MED12L: variants seen among roughly 807,000 people sequenced by gnomAD.
MED12L encodes the protein mediator of RNA polymerase II transcription subunit 12-like protein.
MED12L carries 60 observed loss-of-function variants against 281.3 expected under a neutral mutation model. That is an observed-to-expected ratio of 0.21 (90% CI 0.17 to 0.26). MED12L has a LOEUF of 0.26. MED12L is among the 10% of genes least tolerant of loss of function. The pLI is 1.00. For synonymous variants in MED12L, 974 were observed against 987.2 expected (o/e 0.99, Z 0.25); for missense variants, 2,146 against 2,680.9 (o/e 0.80, Z 4.41).
At chr3:151,311,996 C>A (rs1000223751) in intron 16 of MED12L, among the ~76,000 whole-genome samples, 10 of 152,182 alleles carry the variant, frequency 6.6e-5, no homozygotes, top group South Asian at 6.2e-4. Context: ...GAGCCAAGAT[C>A]ACGCTGTTGC....
chr3:151,261,627 C>T (rs1232431684), intron 16 of MED12L, among the ~76,000 whole-genome samples: 3 of 152,102 alleles, frequency 2.0e-5, no homozygotes, highest in African/African-American at 7.2e-5. Context: ...TTACCCAAGA[C>T]TCCCAGACAC....
At chr3:151,136,431 ATGC>A (rs1456107959) in intron 5 of MED12L, among the ~76,000 whole-genome samples, 1 of 152,244 alleles carries the variant, frequency 6.6e-6, no homozygotes, top group African/African-American at 2.4e-5. Context: ...TGCCTTGTTT[ATGC>A]TGAAAGTAAT....
intron 16 of MED12L, chr3:151,338,652 T>G: frequency 1.2e-6 from 2 of 1,613,886 alleles, no homozygotes; most frequent in Non-Finnish European, 1.7e-6. Flanking sequence ...AATGACTGTG[T>G]TCTTAAGAAA....
At chr3:151,164,358 A>G (rs909882154) in intron 9 of MED12L, among the ~76,000 whole-genome samples, 3 of 152,186 alleles carry the variant, frequency 2.0e-5, no homozygotes, top group African/African-American at 7.2e-5. Flanking sequence ...TAATTATTAT[A>G]TGTTCTTATT....
At chr3:151,357,101 G>A (rs1754026299) in intron 19 of MED12L, 112 bp from the exon 20 acceptor site, 2 of 903,710 alleles carry the variant, frequency 2.2e-6, no homozygotes, top group Admixed American at 3.2e-5. Flanking sequence ...GTTAAATTTA[G>A]GGAATGTATT....
chr3:151,176,884 CT>C (rs1409375468), intron 11 of MED12L, among the ~76,000 whole-genome samples: 10 of 152,286 alleles, frequency 6.6e-5, no homozygotes, highest in Admixed American at 2.0e-4. Flanking sequence ...CCCCATCTAC[CT>C]TGTTTATTCC....
chr3:151,358,912 G>A (rs571247888), intron 20 of MED12L, among the ~76,000 whole-genome samples: 3 of 152,138 alleles, frequency 2.0e-5, no homozygotes, highest in East Asian at 1.9e-4. Context: ...ATAATTTTTC[G>A]CTTTATAGAT....
intron 16 of MED12L, chr3:151,328,640 A>G (rs1159733246): frequency 6.2e-7 from 1 of 1,613,900 alleles, no homozygotes; most frequent in Non-Finnish European, 8.5e-7. Flanking sequence ...GAATCTGTCA[A>G]AGGCTATGAG....
intron 16 of MED12L, among the ~76,000 whole-genome samples, chr3:151,223,867 T>C (rs1017584187): frequency 6.6e-6 from 1 of 152,224 alleles, no homozygotes; most frequent in Non-Finnish European, 1.5e-5. Flanking sequence ...CATTGCCTAC[T>C]CCTGGGGAGG....
chr3:151,324,552 A>G (rs755506306), intron 16 of MED12L, among the ~76,000 whole-genome samples: 1 of 152,240 alleles, frequency 6.6e-6, no homozygotes, highest in Non-Finnish European at 1.5e-5. Context: ...TTAAAGCCCC[A>G]TTCCTGCAGA....
chr3:151,185,794 A>G (rs1359894874), intron 12 of MED12L, among the ~76,000 whole-genome samples: 1 of 152,134 alleles, frequency 6.6e-6, no homozygotes, highest in African/African-American at 2.4e-5. Context: ...TGAGCTTATG[A>G]TGGTGCCACT....
chr3:151,199,326 A>T, intron 16 of MED12L: 1 of 1,613,748 alleles, frequency 6.2e-7, no homozygotes, highest in Non-Finnish European at 8.5e-7. Flanking sequence ...ACTAAATAAA[A>T]AAAATACGTG....
At chr3:151,177,688 T>C (rs9876500) in intron 11 of MED12L, among the ~76,000 whole-genome samples, 35,276 of 151,506 alleles carry the variant, frequency 0.23, 4,641 homozygotes, top group African/African-American at 0.37. Flanking sequence ...AAATGGGGTG[T>C]CACTACATTG....
intron 43 of MED12L, 120 bp downstream of exon 43, chr3:151,416,542 C>A: frequency 9.9e-7 from 1 of 1,005,610 alleles, no homozygotes; most frequent in Non-Finnish European, 1.5e-6. Flanking sequence ...AAAAATTTTT[C>A]CTAGAACTTT....
At chr3:151,414,245 T>C (rs1016401768) in intron 42 of MED12L, among the ~76,000 whole-genome samples, 2 of 152,192 alleles carry the variant, frequency 1.3e-5, no homozygotes, top group Non-Finnish European at 2.9e-5. Flanking sequence ...AACAAGCTTG[T>C]CCTATGTTAT....
chr3:151,253,470 C>G (rs780797497), intron 16 of MED12L, among the ~76,000 whole-genome samples: 50 of 152,184 alleles, frequency 3.3e-4, no homozygotes, highest in Non-Finnish European at 5.4e-4. Flanking sequence ...GTTTCCTAAG[C>G]CTGGCATGGG....
intron 16 of MED12L, among the ~76,000 whole-genome samples, chr3:151,252,175 C>T (rs973764195): frequency 1.3e-5 from 2 of 152,080 alleles, no homozygotes; most frequent in African/African-American, 4.8e-5. Context: ...CTATTAATAT[C>T]TCCATTCATT....
chr3:151,364,087 A>G (rs144286157), intron 21 of MED12L, among the ~76,000 whole-genome samples: 314 of 152,322 alleles, frequency 2.1e-3, no homozygotes, highest in Middle Eastern at 0.01. Flanking sequence ...TTTCTGATGC[A>G]TAAAAGAGCT....
At chr3:151,270,311 T>G (rs1297014337) in intron 16 of MED12L, among the ~76,000 whole-genome samples, 1 of 151,308 alleles carries the variant, frequency 6.6e-6, no homozygotes, top group Non-Finnish European at 1.5e-5. Flanking sequence ...TCAACTTATT[T>G]GGGGGGAAAA....
Sources: gnomAD v4.1 joint callset for allele counts (sites outside exome capture counted in the v4.1 genomes callset) on GRCh38, gnomAD v4.1.1 for gene constraint, MANE v1.5 for transcripts, NCBI Gene and HGNC (gene_info 2026-07-23, HGNC 2026-07-21) for gene names.